The following KNOP1 variants were observed in gnomAD, a reference collection of about 807,000 sequenced individuals.
KNOP1 encodes lysine-rich nucleolar protein 1.
A neutral mutation model predicts 30.6 loss-of-function variants in KNOP1; 20 were observed. The ratio of observed to expected loss-of-function variants is 0.65; its 90% CI spans 0.46 to 0.95. The LOEUF is 0.95. Among genes scored for constraint, KNOP1 ranks in the 40% least tolerant of loss-of-function variants. KNOP1 has a pLI of 0.00. For missense variants in KNOP1, 540 were observed against 562.0 expected (o/e 0.96, Z 0.40); for synonymous variants, 204 against 210.0 (o/e 0.97, Z 0.25).
intron 2 of KNOP1, among the ~76,000 whole-genome samples, chr16:19,713,884 G>A (rs977114322): frequency 2.0e-5 from 3 of 152,146 alleles, no homozygotes; most frequent in Non-Finnish European, 4.4e-5. Context: ...TGCAATTATC[G>A]ATGATACTGC....
At chr16:19,715,413 CTT>C (rs59694825) in intron 1 of KNOP1, 22 of 126,620 alleles carry the variant, frequency 1.7e-4, no homozygotes, top group East Asian at 2.2e-4. Flanking sequence ...TTCTTTTTCT[CTT>C]TTTTTTTTTT....
At chr16:19,713,721 T>G (rs1976836128) in intron 2 of KNOP1, among the ~76,000 whole-genome samples, 1 of 152,222 alleles carries the variant, frequency 6.6e-6, no homozygotes, top group Non-Finnish European at 1.5e-5. Flanking sequence ...CTACAGGCAC[T>G]ACGTTATCTC....
rs8061759 is a variant in KNOP1, at chr16:19,702,951, C to T, written c.*3959G>A. The T allele has an allele frequency of 0.071, 10,686 of 151,354 alleles. 1,061 individuals are homozygous for T. Among genetic ancestry groups the T allele is most frequent in the African/African-American group, 0.22 (9,096 of 41,070 alleles). 9.4% of individuals were successfully genotyped at this position (151,354 alleles called of 1,614,324 possible). ...TGGAGGTTGCAGTGAGCTGAGATCA[C>T]GCCTCTGCACTCCAGCCTGGGCGTG... On this transcript the variant is annotated 3_prime_UTR_variant, in exon 5 of 5. Transcript: ENST00000219837.
At chr16:19,714,044 C>T (rs1278142348) in intron 2 of KNOP1, 74 bp downstream of exon 2, 10 of 1,304,594 alleles carry the variant, frequency 7.7e-6, no homozygotes, top group African/African-American at 3.0e-5. Flanking sequence ...AACATGCACA[C>T]ACGCCTACAC....
intron 4 of KNOP1, 126 bp from the exon 5 acceptor site, chr16:19,707,347 A>T: frequency 1.4e-6 from 1 of 714,120 alleles, no homozygotes; most frequent in Non-Finnish European, 2.4e-6. Context: ...CACAGTGCTA[A>T]TAAGCTCAAC....
rs1338525679 is a variant in KNOP1, at chr16:19,710,687, G to A, written c.988-101C>T. On this transcript the variant is annotated intron_variant, in intron 3 of 4. Transcript: ENST00000219837. Reference sequence around the variant, plus strand: ...GGGCTGGGGGAACGGAACGTGGGAGGAACTAACACAGCTTGACTCTGCTAC... The same window carrying A: ...GGGCTGGGGGAACGGAACGTGGGAGAAACTAACACAGCTTGACTCTGCTAC... 8 of 876,038 alleles carry A rather than the reference G, an allele frequency of 9.1e-6. No individual in the cohort carries two copies. The East Asian group carries it at 1.9e-4, about 21-fold the overall frequency. The allele number at this position is 876,038 out of a possible 1,614,324, so 54.3% of individuals were successfully genotyped here.
intron 4 of KNOP1, among the ~76,000 whole-genome samples, chr16:19,708,548 C>T (rs906500437): frequency 5.9e-5 from 9 of 152,112 alleles, no homozygotes; most frequent in Non-Finnish European, 4.4e-5. Context: ...GCCCAGTGCA[C>T]GATGCATGGC....
Position 19,704,451 on chromosome 16 carries a change from CTA to C in KNOP1, c.*2457_*2458del, listed in dbSNP as rs1827854543. Reference sequence around the variant, plus strand: ...GGGTGACCTCTTGGCAAGATAAAAACTATGAGTAGTAAACGGCCGATTCCAGC... The same window carrying C: ...GGGTGACCTCTTGGCAAGATAAAAACTGAGTAGTAAACGGCCGATTCCAGC... On this transcript the variant is annotated 3_prime_UTR_variant, in exon 5 of 5. Transcript: ENST00000219837. 2 of 152,136 alleles carry C rather than the reference CTA, an allele frequency of 1.3e-5. No homozygotes were observed. The highest frequency in any genetic ancestry group is 6.6e-5 in the Admixed American group (1 of 15,266). 9.4% of individuals were successfully genotyped at this position (152,136 alleles called of 1,614,324 possible).
At chr16:19,708,088 G>A (rs911436705) in intron 4 of KNOP1, among the ~76,000 whole-genome samples, 5 of 151,048 alleles carry the variant, frequency 3.3e-5, no homozygotes, top group Admixed American at 2.0e-4. Context: ...GCAGCCGGGC[G>A]CACTCACCCA....
intron 4 of KNOP1, among the ~76,000 whole-genome samples, chr16:19,708,341 G>T (rs1976528788): frequency 6.6e-6 from 1 of 152,030 alleles, no homozygotes; most frequent in Admixed American, 6.5e-5. Flanking sequence ...TCCCAGGTCG[G>T]TGGGAGAGGA....
At chr16:19,711,654 T>C in intron 2 of KNOP1, 1 of 576,230 alleles carries the variant, frequency 1.7e-6, no homozygotes, top group Non-Finnish European at 3.1e-6. Flanking sequence ...TACTAAACTA[T>C]TTGACGGATG....
At chr16:19,713,741 G>T (rs1445346432) in intron 2 of KNOP1, among the ~76,000 whole-genome samples, 3 of 152,162 alleles carry the variant, frequency 2.0e-5, no homozygotes, top group Admixed American at 2.0e-4. Flanking sequence ...CATGTTACTT[G>T]GTTCCTGAGT....
At chr16:19,707,248 TTTTCCTTGAGTTCAAAGCCC>T in intron 4 of KNOP1, 27 bp from the exon 5 acceptor site, 1 of 1,597,624 alleles carries the variant, frequency 6.3e-7, no homozygotes, top group Non-Finnish European at 8.5e-7. Flanking sequence ...AAGGTGGCTA[TTTTCCTTGAGTTCAAAGCCC>T]TTTCCTTCCC....
rs766992464 is a variant in KNOP1, at chr16:19,707,115, C to G, written c.1172G>C (p.Ser391Thr). ...CCTTGCAATCGTGCTGGCGGGGCGGCTGAACGAAGGGGACAGGTTTTTGAA... is the reference window on the plus strand; with the variant it reads ...CCTTGCAATCGTGCTGGCGGGGCGGGTGAACGAAGGGGACAGGTTTTTGAA... The part of the protein sequence containing the change: ...GGFKNLSPSF[S>T]RPASTIARPN... The change falls in exon 5 of 5, where the codon AGC becomes ACC. Residue 391 changes from serine (S) to threonine (T), a missense_variant. By Grantham distance (58) the Ser-to-Thr change is moderately conservative. Transcript: ENST00000219837. 8.1e-6 allele frequency: 13 copies of G among 1,614,108 alleles called. No homozygotes were observed. The highest frequency in any genetic ancestry group is 1.1e-5 in the Non-Finnish European group (13 of 1,180,014).
At chr16:19,709,379 G>A (rs935582265) in intron 4 of KNOP1, among the ~76,000 whole-genome samples, 1 of 152,222 alleles carries the variant, frequency 6.6e-6, no homozygotes, top group African/African-American at 2.4e-5. Context: ...AACAAGTCCT[G>A]CCAGCTGTGC....
chr16:19,710,437 T>C (rs1342645598), intron 4 of KNOP1, 72 bp downstream of exon 4: 3 of 1,480,814 alleles, frequency 2.0e-6, no homozygotes, highest in African/African-American at 2.8e-5. Flanking sequence ...CCACTCCTCA[T>C]GCTGGAGGCG....
At chr16:19,712,284 A>T (rs1314572994) in intron 2 of KNOP1, among the ~76,000 whole-genome samples, 1 of 152,170 alleles carries the variant, frequency 6.6e-6, no homozygotes, top group Non-Finnish European at 1.5e-5. Context: ...GGAAAATCCT[A>T]GCAACCAAAG....
chr16:19,710,660 C>CGGGGCT (rs1976664704), intron 3 of KNOP1, 74 bp from the exon 4 acceptor site: 1 of 1,282,108 alleles, frequency 7.8e-7, no homozygotes, highest in Admixed American at 1.7e-5. Context: ...AGGACAGAGA[C>CGGGGCT]GGGGCTGGGG....
Position 19,714,639 on chromosome 16 carries a change from G to C in KNOP1, c.397C>G (p.Pro133Ala). Residue 133 changes from proline to alanine, a missense_variant, in exon 2 of 5, where the codon CCA (proline) becomes GCA (alanine). Transcript: ENST00000219837. ...TCCTCCTCACCCTGTCTAGGGTCTG[G>C]GGAGGTTTTCACCCCAGAGGCATGG... is the stretch of plus-strand genomic sequence containing the variant. ...MSHASGVKTSPDPRQGEEETR... is the reference protein window; with the variant it reads ...MSHASGVKTSADPRQGEEETR... 6.2e-7 allele frequency: 1 copy of C among 1,614,002 alleles called. No individual in the cohort carries two copies. The highest frequency in any genetic ancestry group is 8.5e-7 in the Non-Finnish European group (1 of 1,179,984).
Sources: allele counts gnomAD v4.1 joint callset (sites outside exome capture counted in the v4.1 genomes callset), GRCh38; gene constraint gnomAD v4.1.1; transcripts MANE v1.5; gene names NCBI Gene and HGNC (gene_info 2026-07-23, HGNC 2026-07-21).